The following FGGY variants were observed in gnomAD, a reference collection of about 807,000 sequenced individuals.
FGGY encodes the protein FGGY carbohydrate kinase domain-containing protein.
Under a neutral mutation model 71.3 loss-of-function variants are expected in FGGY, and 72 were observed. The observed-to-expected ratio is 1.01, with a 90% CI of 0.84 to 1.23. The LOEUF is 1.23. FGGY is among the 50% of genes most tolerant of loss of function. FGGY has a pLI of 0.00. For synonymous variants in FGGY, 251 were observed against 250.3 expected (o/e 1.00, Z -0.02); for missense variants, 668 against 682.3 (o/e 0.98, Z 0.23).
At chr1:59,592,731 A>T (rs929573083) in intron 8 of FGGY, among the ~76,000 whole-genome samples, 1 of 149,632 alleles carries the variant, frequency 6.7e-6, no homozygotes, top group South Asian at 2.1e-4. Flanking sequence ...TGGGAATTGA[A>T]CAATGAGAAT....
Position 59,396,256 on chromosome 1 carries a change from G to A in FGGY, c.554+17419G>A, listed in dbSNP as rs141619061. On this transcript the variant is annotated intron_variant, in intron 5 of 15. Transcript: ENST00000303721. ...TTTTCTTAAGAAGTCATAATTTTGG[G>A]TGTCTCACTTTTGCATACTCCTGAT... is the stretch of plus-strand genomic sequence containing the variant. Among the ~76,000 whole-genome samples, 520 of 152,268 alleles carry A rather than the reference G, an allele frequency of 3.4e-3. 3 individuals carry two copies. The highest frequency in any genetic ancestry group is 0.011 in the African/African-American group (463 of 41,566).
At chr1:59,355,629 C>T (rs1011923787) in intron 4 of FGGY, among the ~76,000 whole-genome samples, 3 of 151,884 alleles carry the variant, frequency 2.0e-5, no homozygotes, top group Non-Finnish European at 2.9e-5. Context: ...TATCTCTGCC[C>T]TTTAGTGACA....
chr1:59,543,040 G>A (rs1279506082), intron 7 of FGGY, among the ~76,000 whole-genome samples: 2 of 152,152 alleles, frequency 1.3e-5, no homozygotes, highest in Non-Finnish European at 2.9e-5. Context: ...TAGAAGCAGA[G>A]ATGTCATTTC....
At chr1:59,639,379 G>A (rs1216202437) in intron 11 of FGGY, among the ~76,000 whole-genome samples, 1 of 152,094 alleles carries the variant, frequency 6.6e-6, no homozygotes, top group Admixed American at 6.6e-5. Context: ...TACTAAAAGG[G>A]AGTCATGGTG....
chr1:59,703,086 C>T (rs540392282), intron 14 of FGGY, among the ~76,000 whole-genome samples: 1 of 152,232 alleles, frequency 6.6e-6, no homozygotes, highest in African/African-American at 2.4e-5. Flanking sequence ...GAGGGTTATT[C>T]GTAAAAATTA....
At chr1:59,652,534 G>A (rs1466520596) in intron 11 of FGGY, among the ~76,000 whole-genome samples, 1 of 143,914 alleles carries the variant, frequency 6.9e-6, no homozygotes, top group Non-Finnish European at 1.5e-5. Context: ...CTTTCTTCCA[G>A]TTGATCGCAT....
chr1:59,383,993 G>A (rs2059787130), intron 5 of FGGY, among the ~76,000 whole-genome samples: 1 of 152,180 alleles, frequency 6.6e-6, no homozygotes, highest in Non-Finnish European at 1.5e-5. Context: ...TAAATTGATT[G>A]AGATTTGTCT....
chr1:59,662,693 C>G (rs750199886), intron 12 of FGGY, among the ~76,000 whole-genome samples: 5 of 152,078 alleles, frequency 3.3e-5, no homozygotes, highest in Admixed American at 6.6e-5. Flanking sequence ...GTACAGTTGC[C>G]TACAGTATTC....
chr1:59,657,539 G>A (rs539744907), intron 11 of FGGY, among the ~76,000 whole-genome samples: 127 of 151,900 alleles, frequency 8.4e-4, no homozygotes, highest in South Asian at 5.0e-3. Context: ...CAGGCAGCTC[G>A]CAGAAAGTGT....
At chr1:59,653,081 C>G (rs1235788958) in intron 11 of FGGY, among the ~76,000 whole-genome samples, 17 of 152,146 alleles carry the variant, frequency 1.1e-4, no homozygotes, top group South Asian at 2.1e-4. Flanking sequence ...CAGGGTTCAG[C>G]GACCCACTTG....
intron 1 of FGGY, among the ~76,000 whole-genome samples, chr1:59,308,208 C>G (rs576522629): frequency 1.3e-5 from 2 of 152,070 alleles, no homozygotes; most frequent in South Asian, 4.1e-4. Flanking sequence ...AAATGTATAG[C>G]ATGGAGAAAA....
chr1:59,388,936 T>C (rs2153372261), intron 5 of FGGY, among the ~76,000 whole-genome samples: 1 of 152,064 alleles, frequency 6.6e-6, no homozygotes, highest in African/African-American at 2.4e-5. Flanking sequence ...TAACTCCCCA[T>C]TTCCCTCTTT....
At chr1:59,752,964 AG>A (rs1418984341) in intron 14 of FGGY, among the ~76,000 whole-genome samples, 2 of 152,332 alleles carry the variant, frequency 1.3e-5, no homozygotes, top group East Asian at 3.9e-4. Flanking sequence ...AAAGAAAAGA[AG>A]TGATTAAAAT....
intron 8 of FGGY, among the ~76,000 whole-genome samples, chr1:59,554,556 A>T (rs756980674): frequency 6.6e-6 from 1 of 152,170 alleles, no homozygotes; most frequent in South Asian, 2.1e-4. Flanking sequence ...TCTGTCCCTA[A>T]TGGGTAGCGG....
At chr1:59,463,674 A>G (rs542790649) in intron 6 of FGGY, among the ~76,000 whole-genome samples, 1 of 130,368 alleles carries the variant, frequency 7.7e-6, no homozygotes, top group South Asian at 2.5e-4. Flanking sequence ...AAGATCTACC[A>G]AGCAAATGGA....
At chr1:59,607,979 G>T in intron 9 of FGGY, 69 bp downstream of exon 9, 1 of 1,291,482 alleles carries the variant, frequency 7.7e-7, no homozygotes, top group South Asian at 1.2e-5. Flanking sequence ...TTTGTCACAT[G>T]ACCCATATAC....
rs1457262688 is a variant in FGGY at position 59,432,084 on chromosome 1, A to C, written c.555-24877A>C. The stretch of plus-strand genomic sequence containing the variant: ...GGGAGAGAGGCTGGAGATTGAGTTA[A>C]TAAGCAATCATGCCTGTGTGATGAA... On this transcript the variant is annotated intron_variant, in intron 5 of 15. Transcript: ENST00000303721. 1.3e-5 allele frequency among the ~76,000 whole-genome samples: 2 copies of C among 152,162 alleles called. 1 individual carries two copies. Among genetic ancestry groups the C allele is most frequent in the South Asian group, 4.1e-4 (2 of 4,830 alleles).
chr1:59,436,208 C>T (rs1404641623), intron 5 of FGGY, among the ~76,000 whole-genome samples: 3 of 152,148 alleles, frequency 2.0e-5, no homozygotes, highest in Non-Finnish European at 2.9e-5. Context: ...GCACTGACTT[C>T]ACCGTCCCTC....
intron 4 of FGGY, among the ~76,000 whole-genome samples, chr1:59,346,729 C>A (rs76808369): frequency 0.024 from 3,712 of 152,236 alleles, 174 homozygotes; most frequent in African/African-American, 0.085. Flanking sequence ...AAACAACTCA[C>A]TCAAAGTGAC....
Sources: gnomAD v4.1 joint callset for allele counts (sites outside exome capture counted in the v4.1 genomes callset) on GRCh38, gnomAD v4.1.1 for gene constraint, MANE v1.5 for transcripts, NCBI Gene and HGNC (gene_info 2026-07-23, HGNC 2026-07-21) for gene names.